The following DSCAML1 variants were observed in gnomAD, a reference collection of about 807,000 sequenced individuals.
DSCAML1 encodes the protein cell adhesion molecule DSCAML1.
A neutral mutation model predicts 200.5 loss-of-function variants in DSCAML1; 38 were observed. That is an observed-to-expected ratio of 0.19 (90% CI 0.15 to 0.25). The LOEUF is 0.25. Among genes scored for constraint, DSCAML1 ranks in the 10% least tolerant of loss-of-function variants. The pLI, the probability that DSCAML1 is intolerant of heterozygous loss-of-function variation, is 1.00. For synonymous variants in DSCAML1, 1,215 were observed against 1,165.0 expected (o/e 1.04, Z -0.87); for missense variants, 2,223 against 2,858.8 (o/e 0.78, Z 5.07).
At chr11:117,442,028 GTGTA>G (rs1267641378) in intron 21 of DSCAML1, among the ~76,000 whole-genome samples, 1 of 100,780 alleles carries the variant, frequency 9.9e-6, no homozygotes, top group Non-Finnish European at 1.8e-5. Flanking sequence ...ATGTGAGTGT[GTGTA>G]TGTGTGTGTG....
chr11:117,466,200 T>C (rs1392088521), intron 16 of DSCAML1, among the ~76,000 whole-genome samples: 1 of 152,240 alleles, frequency 6.6e-6, no homozygotes, highest in East Asian at 1.9e-4. Flanking sequence ...AACTCAAGTG[T>C]TCACCAGGAG....
intron 3 of DSCAML1, among the ~76,000 whole-genome samples, chr11:117,703,188 T>C (rs2053698608): frequency 6.6e-6 from 1 of 152,132 alleles, no homozygotes; most frequent in Non-Finnish European, 1.5e-5. Context: ...TGCAAACCAG[T>C]GATTTTGAAG....
chr11:117,562,398 C>T (rs549888055), intron 3 of DSCAML1, among the ~76,000 whole-genome samples: 6 of 152,360 alleles, frequency 3.9e-5, no homozygotes, highest in South Asian at 4.1e-4. Flanking sequence ...GCAAGTGCCA[C>T]GTCTTCTGTG....
chr11:117,718,518 A>C (rs568169745), intron 3 of DSCAML1, among the ~76,000 whole-genome samples: 2 of 152,338 alleles, frequency 1.3e-5, no homozygotes, highest in South Asian at 2.1e-4. Flanking sequence ...AGACAATGAA[A>C]GTTTCCTCCT....
At chr11:117,627,916 C>T (rs1027935702) in intron 3 of DSCAML1, among the ~76,000 whole-genome samples, 3 of 152,028 alleles carry the variant, frequency 2.0e-5, no homozygotes, top group Non-Finnish European at 4.4e-5. Context: ...ATCAAGATGA[C>T]TCTTCTTCCC....
chr11:117,428,710 T>C lies in DSCAML1; in HGVS notation c.5780A>G (p.Glu1927Gly). 1 of 1,613,222 alleles carries C rather than the reference T, an allele frequency of 6.2e-7. No homozygotes were observed. Among genetic ancestry groups the C allele is most frequent in the South Asian group, 1.1e-5 (1 of 90,722 alleles). ...TCGAGCCAGGTTCCGGATGGAGGCCTCACGGGGTGGGACCACGGGGCAGGG... is the reference window on the plus strand; with the variant it reads ...TCGAGCCAGGTTCCGGATGGAGGCCCCACGGGGTGGGACCACGGGGCAGGG... Reference protein sequence around the residue: ...REPCPVVPPREASIRNLARTY... With the variant: ...REPCPVVPPRGASIRNLARTY... Residue 1927 changes from glutamate to glycine, a missense_variant, in exon 33 of 33, where the codon GAG (glutamate) becomes GGG (glycine). Physicochemically the swap from Glu to Gly is moderately conservative, Grantham distance 98. Coordinates refer to ENST00000651296, the MANE Select transcript of DSCAML1 (RefSeq NM_020693.4).
rs2049144969 is a variant in DSCAML1 at position 117,489,474 on chromosome 11, C to T, written c.2360-7312G>A. Among the ~76,000 whole-genome samples the T allele has an allele frequency of 6.6e-6, 1 of 152,142 alleles. No homozygotes were observed. Among genetic ancestry groups the T allele is most frequent in the African/African-American group, 2.4e-5 (1 of 41,426 alleles). ...TACAAACGGGTGCAGGGGAGACTTTCTGGGGACTTGAGAGAAGGGAAGGGC... is the reference window on the plus strand; with the variant it reads ...TACAAACGGGTGCAGGGGAGACTTTTTGGGGACTTGAGAGAAGGGAAGGGC... On this transcript the variant is annotated intron_variant, in intron 11 of 32. Coordinates refer to ENST00000651296, the MANE Select transcript of DSCAML1 (RefSeq NM_020693.4). This position sits in a 1 kb window ranked among gnomAD's most constrained non-coding sequence, Gnocchi z 4.8.
intron 14 of DSCAML1, among the ~76,000 whole-genome samples, chr11:117,474,524 C>T (rs745696205): frequency 1.3e-5 from 2 of 152,138 alleles, no homozygotes; most frequent in Non-Finnish European, 2.9e-5. Flanking sequence ...CCTCTCCTTC[C>T]GACTCCAGAC....
intron 3 of DSCAML1, among the ~76,000 whole-genome samples, chr11:117,770,086 T>A (rs1329751106): frequency 6.6e-6 from 1 of 152,166 alleles, no homozygotes; most frequent in African/African-American, 2.4e-5. Context: ...CTCCAGGGCC[T>A]GACTTGAGGG....
intron 3 of DSCAML1, among the ~76,000 whole-genome samples, chr11:117,730,572 A>G (rs1247454049): frequency 6.6e-6 from 1 of 152,200 alleles, no homozygotes; most frequent in Non-Finnish European, 1.5e-5. Flanking sequence ...TTTGGAGAGG[A>G]TGTGACGAAA....
At chr11:117,439,676 G>T in intron 22 of DSCAML1, 143 bp downstream of exon 22, 1 of 864,192 alleles carries the variant, frequency 1.2e-6, no homozygotes, top group East Asian at 2.4e-5. Flanking sequence ...TGAGAGAGCA[G>T]TAGCAGCACA....
intron 2 of DSCAML1, among the ~76,000 whole-genome samples, chr11:117,777,588 A>T (rs1684233127): frequency 6.6e-6 from 1 of 152,212 alleles, no homozygotes. Flanking sequence ...TCCTAGAGAC[A>T]TGGACACAGT....
chr11:117,556,879 A>T (rs1416606725), intron 3 of DSCAML1, among the ~76,000 whole-genome samples: 1 of 152,206 alleles, frequency 6.6e-6, no homozygotes, highest in Admixed American at 6.5e-5. Context: ...ACATCTTCTT[A>T]GCTGCAGTAT....
intron 3 of DSCAML1, among the ~76,000 whole-genome samples, chr11:117,674,122 G>A (rs183079131): frequency 2.0e-5 from 3 of 152,278 alleles, no homozygotes; most frequent in East Asian, 1.9e-4. Context: ...AGCAACTTAC[G>A]TTGCCGGTAC....
intron 3 of DSCAML1, among the ~76,000 whole-genome samples, chr11:117,637,357 T>C (rs965985727): frequency 2.0e-5 from 3 of 151,382 alleles, no homozygotes; most frequent in Admixed American, 6.6e-5. Flanking sequence ...TTTTTTTTTT[T>C]TTTTTTGAGA....
chr11:117,486,726 C>T (rs1470713730), intron 11 of DSCAML1, among the ~76,000 whole-genome samples: 1 of 152,016 alleles, frequency 6.6e-6, no homozygotes, highest in African/African-American at 2.4e-5. Flanking sequence ...TCCACAGAAT[C>T]CTAGCATCCT....
chr11:117,571,412 T>C (rs1317669781), intron 3 of DSCAML1, among the ~76,000 whole-genome samples: 1 of 152,082 alleles, frequency 6.6e-6, no homozygotes, highest in Non-Finnish European at 1.5e-5. Context: ...ACTGAGTGAG[T>C]GAGGGGCCAC....
chr11:117,555,738 G>A (rs1029576557), intron 3 of DSCAML1, among the ~76,000 whole-genome samples: 2 of 152,130 alleles, frequency 1.3e-5, no homozygotes, highest in African/African-American at 4.8e-5. Context: ...AGAGGAGCCT[G>A]CCTTTTAGCC....
intron 3 of DSCAML1, among the ~76,000 whole-genome samples, chr11:117,714,245 T>G (rs1465432448): frequency 6.6e-6 from 1 of 152,216 alleles, no homozygotes; most frequent in Non-Finnish European, 1.5e-5. Flanking sequence ...AGACTATCTA[T>G]AGCTTCAGTA....
Sources: gnomAD v4.1 joint callset for allele counts (sites outside exome capture counted in the v4.1 genomes callset) on GRCh38, gnomAD v4.1.1 for gene constraint, Gnocchi (gnomAD v3.1) non-coding constraint, MANE v1.5 for transcripts, NCBI Gene and HGNC (gene_info 2026-07-23, HGNC 2026-07-21) for gene names.